The following PPP2R5C variants were observed in gnomAD, a reference collection of about 807,000 sequenced individuals.
The protein encoded by PPP2R5C is protein phosphatase 2 regulatory subunit B'gamma.
In PPP2R5C, 7 loss-of-function variants were observed where a neutral mutation model predicts 68.9. That is an observed-to-expected ratio of 0.10 (90% CI 0.06 to 0.19). The LOEUF is 0.19. PPP2R5C is among the 10% of genes least tolerant of loss of function. The probability of loss-of-function intolerance (pLI) is 1.00; values close to 1 mark genes in which losing one functional copy is unlikely to be tolerated. For missense variants in PPP2R5C, 348 were observed against 641.3 expected (o/e 0.54, Z 4.94); for synonymous variants, 210 against 222.2 (o/e 0.95, Z 0.49).
chr14:101,832,002 T>G (rs2140341392), intron 1 of PPP2R5C, among the ~76,000 whole-genome samples: 1 of 152,356 alleles, frequency 6.6e-6, no homozygotes, highest in Admixed American at 6.5e-5. Context: ...AACCCTGAGC[T>G]TCTAAATAGT....
At chr14:101,813,358 A>G (rs926997646) in intron 1 of PPP2R5C, among the ~76,000 whole-genome samples, 4 of 152,248 alleles carry the variant, frequency 2.6e-5, no homozygotes, top group South Asian at 2.1e-4. Context: ...CTGTGGTCCA[A>G]TAAAGCTTTA....
At chr14:101,884,341 A>G (rs1209847562) in intron 5 of PPP2R5C, among the ~76,000 whole-genome samples, 1 of 152,202 alleles carries the variant, frequency 6.6e-6, no homozygotes, top group Non-Finnish European at 1.5e-5. Context: ...TCCTTTGGCA[A>G]CACCCTCACA....
chr14:101,766,486 T>C (rs1480198202), intron 2 of PPP2R5C: 2 of 152,264 alleles, frequency 1.3e-5, no homozygotes, highest in Non-Finnish European at 2.9e-5. Flanking sequence ...CCTGCAAGTA[T>C]GGCAGGCTGT....
At chr14:101,866,112 C>T (rs907136738) in intron 2 of PPP2R5C, among the ~76,000 whole-genome samples, 6 of 152,120 alleles carry the variant, frequency 3.9e-5, no homozygotes, top group African/African-American at 1.2e-4. Flanking sequence ...CCAGGATGAT[C>T]TCAAACTCCT....
intron 13 of PPP2R5C, among the ~76,000 whole-genome samples, chr14:101,919,993 C>CAAAAAAAAAA (rs367834588): frequency 7.7e-5 from 9 of 117,470 alleles, no homozygotes; most frequent in Admixed American, 1.7e-4. Flanking sequence ...AAAAAAAAAA[C>CAAAAAAAAAA]CAATTCTTAC....
At chr14:101,805,842 C>A (rs887250364), upstream of PPP2R5C, among the ~76,000 whole-genome samples, 1 of 152,128 alleles carries the variant, frequency 6.6e-6, no homozygotes, top group Non-Finnish European at 1.5e-5. Context: ...TGTGAAGTAC[C>A]CAGAGTAGAC....
At position 101,891,948 on chromosome 14, in the gene PPP2R5C, TTTTG is replaced by T. The variant is rs1443328689; in HGVS notation, c.690-1044_690-1041del. ...TGCACAAGGGAACAGCTTTCTGTTT[TTTTG>T]TTTGTTTTTTGTTTTTGTTTTTGAG... On this transcript the variant is annotated intron_variant, in intron 6 of 13. Transcript: ENST00000334743. This position sits in a 1 kb window ranked among gnomAD's most constrained non-coding sequence, Gnocchi z 4.9. Among the ~76,000 whole-genome samples, 3 of 152,166 alleles carry T rather than the reference TTTTG, an allele frequency of 2.0e-5. No homozygotes were observed. Among genetic ancestry groups the T allele is most frequent in the South Asian group, 2.1e-4 (1 of 4,826 alleles).
chr14:101,896,030 A>T (rs906142696), intron 8 of PPP2R5C, among the ~76,000 whole-genome samples: 4 of 151,456 alleles, frequency 2.6e-5, no homozygotes, highest in Admixed American at 6.6e-5. Context: ...ATTTTATCTT[A>T]TTTTTTTGAG....
At chr14:101,902,020 T>C in intron 9 of PPP2R5C, 131 bp downstream of exon 11, 1 of 975,702 alleles carries the variant, frequency 1.0e-6, no homozygotes, top group Non-Finnish European at 1.5e-6. Context: ...TTACTTGAAT[T>C]ATACTTCAAA....
At chr14:101,874,932 G>T (rs2043662459) in intron 2 of PPP2R5C, among the ~76,000 whole-genome samples, 1 of 152,124 alleles carries the variant, frequency 6.6e-6, no homozygotes, top group Non-Finnish European at 1.5e-5. Context: ...TAGAGACAGG[G>T]TTTTGCCATG....
intron 1 of PPP2R5C, chr14:101,820,850 T>C (rs1358956096): frequency 6.6e-6 from 1 of 152,202 alleles, no homozygotes; most frequent in Non-Finnish European, 1.5e-5. Context: ...AACCTATTGC[T>C]AATTTAATGA....
chr14:101,905,741 C>G (rs1374475965), intron 9 of PPP2R5C, among the ~76,000 whole-genome samples: 1 of 152,114 alleles, frequency 6.6e-6, no homozygotes, highest in Non-Finnish European at 1.5e-5. Flanking sequence ...AGGCCCTGTT[C>G]CCCTGCCCTC....
intron 7 of PPP2R5C, among the ~76,000 whole-genome samples, chr14:101,893,775 A>G (rs2045122954): frequency 6.6e-6 from 1 of 152,248 alleles, no homozygotes; most frequent in South Asian, 2.1e-4. Context: ...AAATGAATGA[A>G]TAAAGCTGTG....
intron 13 of PPP2R5C, among the ~76,000 whole-genome samples, chr14:101,919,298 C>A (rs1356776917): frequency 6.6e-6 from 1 of 152,224 alleles, no homozygotes; most frequent in African/African-American, 2.4e-5. Flanking sequence ...ACTAGAAATA[C>A]AGTGGAAAAG....
chr14:101,921,711 C>T (rs1034364514), intron 13 of PPP2R5C, among the ~76,000 whole-genome samples: 1 of 152,036 alleles, frequency 6.6e-6, no homozygotes. Flanking sequence ...TTTCACATTT[C>T]TTTGAGATGA....
chr14:101,920,232 T>TA (rs2046937652), intron 13 of PPP2R5C, among the ~76,000 whole-genome samples: 1 of 152,210 alleles, frequency 6.6e-6, no homozygotes, highest in African/African-American at 2.4e-5. Context: ...AAGTCAGGCC[T>TA]AGTATCTGTG....
rs1020306625 is a variant in PPP2R5C, at chr14:101,915,361, T to G, written c.1327-2470T>G. Reference sequence around the variant, plus strand: ...TCCCAGAGTGCTGGGATTACAGGTGTGAGCCACCGCACCTGGCCTTCAGTG... The same window carrying G: ...TCCCAGAGTGCTGGGATTACAGGTGGGAGCCACCGCACCTGGCCTTCAGTG... On this transcript the variant is annotated intron_variant, in intron 12 of 13. Transcript: ENST00000334743. The surrounding 1 kb of genome is among the most constrained non-coding windows in gnomAD (Gnocchi z 4.2). 1.3e-5 allele frequency among the ~76,000 whole-genome samples: 2 copies of G among 152,196 alleles called. No homozygotes were observed. The highest frequency in any genetic ancestry group is 1.3e-4 in the Admixed American group (2 of 15,288).
chr14:101,901,721 G>C, exon 9 of PPP2R5C: 1 of 1,613,108 alleles, frequency 6.2e-7, no homozygotes, highest in Non-Finnish European at 8.5e-7. Context: ...TTTTGTAGGT[G>C]GTGATGGCAC....
intron 13 of PPP2R5C, among the ~76,000 whole-genome samples, chr14:101,919,969 C>CCAAAAAA (rs775818748): frequency 7.6e-5 from 4 of 52,878 alleles, no homozygotes; most frequent in Admixed American, 4.1e-4. Context: ...AACTCCGTCT[C>CCAAAAAA]AAAAAAAAAA....
Sources: allele counts gnomAD v4.1 joint callset (sites outside exome capture counted in the v4.1 genomes callset), GRCh38; gene constraint gnomAD v4.1.1; non-coding constraint Gnocchi (gnomAD v3.1); transcripts MANE v1.5; gene names NCBI Gene and HGNC (gene_info 2026-07-23, HGNC 2026-07-21).